Variants in ATP11A observed in about 807,000 individuals in gnomAD.
ATP11A encodes ATPase phospholipid transporting 11A, also known as phospholipid-transporting ATPase IH.
In ATP11A, 81 loss-of-function variants were observed where a neutral mutation model predicts 154.4. That is an observed-to-expected ratio of 0.52 (90% CI 0.44 to 0.63). ATP11A has a LOEUF of 0.63. ATP11A is among the 30% of genes least tolerant of loss of function. ATP11A has a pLI of 0.00. For synonymous variants in ATP11A, 623 were observed against 585.9 expected, an observed-to-expected ratio of 1.06 and a Z score of -0.91; for missense variants, 1,316 against 1,474.3, an observed-to-expected ratio of 0.89 and a Z score of 1.76.
In ATP11A at chr13:112,831,566, C is replaced by T. The variant is rs779386561; in HGVS notation, c.1395+18C>T. ...ACGGGAGGGTAGGTGGCAGCCCCCA[C>T]GCCGTCCAAGTGTGTGAGTGAGTGG... On this transcript the variant is annotated intron_variant, in intron 13 of 29. Transcript: ENST00000375645. 6.2e-6 allele frequency: 10 copies of T among 1,611,476 alleles called. No individual in the cohort carries two copies. The highest frequency in any genetic ancestry group is 1.7e-4 in the Middle Eastern group (1 of 6,050).
At chr13:112,789,870 C>CG (rs201889013) in intron 2 of ATP11A, among the ~76,000 whole-genome samples, 10 of 143,888 alleles carry the variant, frequency 6.9e-5, no homozygotes, top group African/African-American at 1.3e-4. Context: ...TAATTCACAC[C>CG]GGTGTCCTGA....
At chr13:112,761,973 A>G (rs2076974003) in intron 1 of ATP11A, among the ~76,000 whole-genome samples, 1 of 151,940 alleles carries the variant, frequency 6.6e-6, no homozygotes, top group Non-Finnish European at 1.5e-5. Context: ...TGAGTGTCAC[A>G]CTCACCTCCT....
intron 1 of ATP11A, among the ~76,000 whole-genome samples, chr13:112,711,646 C>T (rs1251512860): frequency 2.6e-5 from 4 of 152,140 alleles, no homozygotes; most frequent in Admixed American, 1.3e-4. Context: ...GGGCACCGTG[C>T]GTTGAGCCAG....
intron 1 of ATP11A, among the ~76,000 whole-genome samples, chr13:112,748,477 C>CA (rs1253332626): frequency 6.6e-6 from 1 of 152,158 alleles, no homozygotes; most frequent in African/African-American, 2.4e-5. Context: ...GCAATCCTCC[C>CA]ATCTCAGCCT....
At position 112,873,629 on chromosome 13, in the gene ATP11A, G is replaced by A. The variant is rs138029513; in HGVS notation, c.3114G>A (p.Ser1038=). The change falls in exon 27 of 30, where the codon TCG becomes TCA. Residue 1038 remains serine (S), a synonymous_variant. Coordinates refer to ENST00000375645, the MANE Select transcript of ATP11A (RefSeq NM_015205.3). The part of the protein sequence containing the change: ...TWINHFVIWG[S]LLFYVVFSLL... ...TCAACCATTTTGTCATCTGGGGGTCGCTGCTGTTCTACGTTGTCTTTTCGC... is the reference window on the plus strand; with the variant it reads ...TCAACCATTTTGTCATCTGGGGGTCACTGCTGTTCTACGTTGTCTTTTCGC... 3.2e-5 allele frequency: 51 copies of A among 1,613,272 alleles called. No individual in the cohort carries two copies. Among genetic ancestry groups the A allele is most frequent in the East Asian group, 2.7e-4 (12 of 44,870 alleles).
chr13:112,774,471 T>G lies in ATP11A; in HGVS notation c.40-10664T>G, dbSNP rs4907762. ...TACTTTAGAGGAACACAGATCCCATTCCAGCAACTATTTTAATCAGGGACT... is the reference window on the plus strand; with the variant it reads ...TACTTTAGAGGAACACAGATCCCATGCCAGCAACTATTTTAATCAGGGACT... On this transcript the variant is annotated intron_variant, in intron 1 of 29. Coordinates refer to ENST00000375645, the MANE Select transcript of ATP11A (RefSeq NM_015205.3). Among the ~76,000 whole-genome samples the G allele has an allele frequency of 5.5e-3, 839 of 152,322 alleles. 7 individuals are homozygous for G. The highest frequency in any genetic ancestry group is 0.018 in the African/African-American group (757 of 41,560).
rs2076779000 is a variant in ATP11A, at chr13:112,754,820, C to G, written c.40-30315C>G. ...CAAGCCTGCTCAGGAGGCCTCTCCA[C>G]GATCCACAATCGACCACCTGTCCAT... On this transcript the variant is annotated intron_variant, in intron 1 of 29. Coordinates refer to ENST00000375645, the MANE Select transcript of ATP11A (RefSeq NM_015205.3). The surrounding 1 kb of genome is among the most constrained non-coding windows in gnomAD (Gnocchi z 5.3). The G allele has an allele frequency of 6.5e-6, 1 of 152,772 alleles. No homozygotes were observed. The highest frequency in any genetic ancestry group is 1.5e-5 in the Non-Finnish European group (1 of 68,496). The allele number at this position is 152,772 out of a possible 1,614,324, so 9.5% of individuals were successfully genotyped here.
rs1193299370 is a variant in ATP11A, at chr13:112,873,764, G to A, written c.3161+88G>A. On this transcript the variant is annotated intron_variant, in intron 27 of 29. Coordinates refer to ENST00000375645, the MANE Select transcript of ATP11A (RefSeq NM_015205.3). ...AGGGTTGAAGACACATTTTCCGTGC[G>A]GCCCTGTTGGTTGGGGCAAGTGTTT... 1.1e-5 allele frequency: 15 copies of A among 1,323,216 alleles called. 1 individual carries two copies. The highest frequency in any genetic ancestry group is 4.1e-4 in the Middle Eastern group (2 of 4,914). 82.0% of individuals were successfully genotyped at this position (1,323,216 alleles called of 1,614,324 possible). A position where few individuals can be genotyped will look rare whatever the true frequency, so the allele number is the denominator to read the frequency against.
At chr13:112,774,411 C>T (rs2077297164) in intron 1 of ATP11A, among the ~76,000 whole-genome samples, 1 of 152,204 alleles carries the variant, frequency 6.6e-6, no homozygotes, top group African/African-American at 2.4e-5. Flanking sequence ...CACCTGGGCC[C>T]TGTTTATTAT....
In ATP11A at chr13:112,881,911, C is replaced by G. The variant is rs920293365; in HGVS notation, c.*45C>G. The G allele has an allele frequency of 1.5e-6, 2 of 1,367,696 alleles. No homozygotes were observed. Among genetic ancestry groups the G allele is most frequent in the Non-Finnish European group, 2.0e-6 (2 of 1,022,010 alleles). 84.7% of individuals were successfully genotyped at this position (1,367,696 alleles called of 1,614,324 possible). On this transcript the variant is annotated 3_prime_UTR_variant, in exon 30 of 30. Transcript: ENST00000375645. ...ACCAGAGCACCTGTCCCTCGGCCGC[C>G]TGGTACAGCTCCCACTCTCAGCAGG... is the stretch of plus-strand genomic sequence containing the variant.
At chr13:112,715,535 GCTGAGGCCCCCC>G in intron 1 of ATP11A, among the ~76,000 whole-genome samples, 1 of 39,870 alleles carries the variant, frequency 2.5e-5, no homozygotes, top group Non-Finnish European at 6.9e-5. Flanking sequence ...CCTTCACTTG[GCTGAGGCCCCCC>G]CCCACCTGCC....
In ATP11A at chr13:112,746,828, G is replaced by T. The variant is rs1170496666; in HGVS notation, c.40-38307G>T. On this transcript the variant is annotated intron_variant, in intron 1 of 29. Coordinates refer to ENST00000375645, the MANE Select transcript of ATP11A (RefSeq NM_015205.3). This position sits in a 1 kb window ranked among gnomAD's most constrained non-coding sequence, Gnocchi z 4.1. ...CTACGTTGACCTCCCTAAGTGCTGG[G>T]ATTACAGCTGTGAGCTGCTGTGCCT... 1 of 152,096 alleles carries T rather than the reference G, an allele frequency of 6.6e-6. No individual in the cohort carries two copies. Among genetic ancestry groups the T allele is most frequent in the Non-Finnish European group, 1.5e-5 (1 of 68,046 alleles). The allele number at this position is 152,096 out of a possible 1,614,324, so 9.4% of individuals were successfully genotyped here.
chr13:112,741,010 G>A (rs1891487940), intron 1 of ATP11A, among the ~76,000 whole-genome samples: 2 of 152,216 alleles, frequency 1.3e-5, no homozygotes, highest in African/African-American at 4.8e-5. Flanking sequence ...AACAAGCAAG[G>A]CACAGCACGG....
chr13:112,760,932 G>A (rs1165980431), intron 1 of ATP11A, among the ~76,000 whole-genome samples: 4 of 152,210 alleles, frequency 2.6e-5, no homozygotes, highest in African/African-American at 9.7e-5. Flanking sequence ...CCTTTCTGTA[G>A]TTTCAGTTAC....
At chr13:112,853,047 C>A (rs929441607) in intron 18 of ATP11A, among the ~76,000 whole-genome samples, 2 of 151,980 alleles carry the variant, frequency 1.3e-5, no homozygotes, top group Non-Finnish European at 2.9e-5. Context: ...ATAGTGAGAT[C>A]CCATCTCTTG....
At chr13:112,808,124 G>T (rs2078374945) in intron 4 of ATP11A, among the ~76,000 whole-genome samples, 1 of 152,014 alleles carries the variant, frequency 6.6e-6, no homozygotes, top group African/African-American at 2.4e-5. Context: ...GGATGCAGAG[G>T]CTGCCTCTCT....
chr13:112,873,957 A>G (rs1054953762), intron 27 of ATP11A, among the ~76,000 whole-genome samples: 2 of 152,212 alleles, frequency 1.3e-5, no homozygotes, highest in African/African-American at 4.8e-5. Flanking sequence ...ATTCCGCACC[A>G]GGGGACCCAT....
intron 25 of ATP11A, among the ~76,000 whole-genome samples, chr13:112,868,232 G>A (rs80314038): frequency 0.011 from 1,653 of 152,358 alleles, 32 homozygotes; most frequent in African/African-American, 0.038. Flanking sequence ...GTCCGCGTAT[G>A]GGCCAGGTGG....
intron 1 of ATP11A, among the ~76,000 whole-genome samples, chr13:112,694,594 G>A (rs542608031): frequency 3.9e-5 from 6 of 152,288 alleles, no homozygotes; most frequent in South Asian, 2.1e-4. Flanking sequence ...ATGCCTCTAT[G>A]TAGGGCATTT....
Sources: gnomAD v4.1 joint callset for allele counts (sites outside exome capture counted in the v4.1 genomes callset) on GRCh38, gnomAD v4.1.1 for gene constraint, Gnocchi (gnomAD v3.1) non-coding constraint, MANE v1.5 for transcripts, NCBI Gene and HGNC (gene_info 2026-07-23, HGNC 2026-07-21) for gene names.